The following FRMD6 variants were observed in gnomAD, a reference collection of about 807,000 sequenced individuals.
The protein encoded by FRMD6 is FERM domain-containing protein 6.
Under a neutral mutation model 73.2 loss-of-function variants are expected in FRMD6, and 37 were observed. The ratio of observed to expected loss-of-function variants is 0.51; its 90% CI spans 0.39 to 0.66. The LOEUF is 0.66. Ranked by LOEUF, FRMD6 falls within the 30% of genes least tolerant of loss-of-function variation. The probability of loss-of-function intolerance (pLI) is 0.00; values close to 1 mark genes in which losing one functional copy is unlikely to be tolerated. For synonymous variants in FRMD6, 273 were observed against 282.2 expected, an observed-to-expected ratio of 0.97 and a Z score of 0.33; for missense variants, 714 against 780.5, an observed-to-expected ratio of 0.91 and a Z score of 1.02.
chr14:51,610,063 G>A (rs896434115), intron 2 of FRMD6, among the ~76,000 whole-genome samples: 1 of 152,054 alleles, frequency 6.6e-6, no homozygotes, highest in East Asian at 1.9e-4. Context: ...CCTGCAGTCC[G>A]CCTCTAGTTT....
chr14:51,436,857 A>G, the FRMD6 span: 1 of 687,776 alleles, frequency 1.5e-6, no homozygotes, highest in Admixed American at 2.3e-5. Context: ...GAAGAAGAGG[A>G]GAAAGGATTA....
At chr14:51,683,915 C>T (rs967320681) in intron 1 of FRMD6, among the ~76,000 whole-genome samples, 1 of 152,126 alleles carries the variant, frequency 6.6e-6, no homozygotes, top group Non-Finnish European at 1.5e-5. Flanking sequence ...TCCACAGTGC[C>T]TCATTTATCC....
At chr14:51,396,550 G>C in the FRMD6 span, among the ~76,000 whole-genome samples, 1 of 152,212 alleles carries the variant, frequency 6.6e-6, no homozygotes, top group Non-Finnish European at 1.5e-5. Flanking sequence ...GCAGCTGCCT[G>C]AAGTTAATGA....
intron 3 of FRMD6, among the ~76,000 whole-genome samples, chr14:51,700,524 G>T (rs1167602961): frequency 6.6e-6 from 1 of 152,052 alleles, no homozygotes; most frequent in Non-Finnish European, 1.5e-5. Context: ...GTTTTGCTGT[G>T]TGTGGAACAC....
At position 51,728,000 on chromosome 14, in the gene FRMD6, C is replaced by G. The variant is rs769854822; in HGVS notation, c.1840C>G (p.His614Asp). Residue 614 changes from histidine (H) to aspartate (D), a missense_variant, in exon 14 of 14, where the codon CAT becomes GAT. By Grantham distance (81) the His-to-Asp change is moderately conservative. Transcript: ENST00000344768. The stretch of plus-strand genomic sequence containing the variant: ...CAAATACTTTTCTCTGGATCTCACT[C>G]ATGATGAAGTTCCAGAGTTTGTTGT... Reference protein sequence around the residue: ...TSKYFSLDLTHDEVPEFVV With the variant: ...TSKYFSLDLTDDEVPEFVV 1.2e-6 allele frequency: 2 copies of G among 1,611,112 alleles called. No homozygotes were observed. The highest frequency in any genetic ancestry group is 2.7e-5 in the African/African-American group (2 of 74,878).
chr14:51,659,944 A>G (rs1041383903), intron 1 of FRMD6, among the ~76,000 whole-genome samples: 1 of 152,244 alleles, frequency 6.6e-6, no homozygotes, highest in Non-Finnish European at 1.5e-5. Flanking sequence ...ACACAGTTAA[A>G]CACCTTAGAA....
chr14:51,520,523 A>T (rs1309951504), intron 1 of FRMD6, among the ~76,000 whole-genome samples: 1 of 152,240 alleles, frequency 6.6e-6, no homozygotes, highest in Non-Finnish European at 1.5e-5. Flanking sequence ...ATAGTCAAAT[A>T]CTAGAAACAC....
At chr14:51,440,762 C>A in the FRMD6 span, among the ~76,000 whole-genome samples, 1 of 152,196 alleles carries the variant, frequency 6.6e-6, no homozygotes, top group Non-Finnish European at 1.5e-5. Context: ...TACAACGTGT[C>A]AAGCACTGTG....
At chr14:51,587,980 G>A (rs983858048) in intron 2 of FRMD6, among the ~76,000 whole-genome samples, 1 of 151,982 alleles carries the variant, frequency 6.6e-6, no homozygotes, top group Non-Finnish European at 1.5e-5. Context: ...GTTTGGATTA[G>A]GATTTTAGCT....
chr14:51,530,980 G>A (rs986872827), intron 1 of FRMD6, among the ~76,000 whole-genome samples: 2 of 152,202 alleles, frequency 1.3e-5, no homozygotes, highest in African/African-American at 4.8e-5. Flanking sequence ...CAATGCGCCA[G>A]CATCTGGTGA....
At chr14:51,593,184 G>A (rs533852186) in intron 2 of FRMD6, among the ~76,000 whole-genome samples, 11 of 152,282 alleles carry the variant, frequency 7.2e-5, no homozygotes, top group African/African-American at 2.6e-4. Flanking sequence ...ACCTGCAGAG[G>A]GAAGTCATGT....
At chr14:51,586,881 C>A (rs1347293065) in intron 2 of FRMD6, among the ~76,000 whole-genome samples, 1 of 152,100 alleles carries the variant, frequency 6.6e-6, no homozygotes, top group Non-Finnish European at 1.5e-5. Context: ...GTAGCTGGGA[C>A]CACAGGCATG....
At chr14:51,583,221 CT>C (rs1888835500) in intron 2 of FRMD6, among the ~76,000 whole-genome samples, 6 of 152,142 alleles carry the variant, frequency 3.9e-5, no homozygotes, top group Non-Finnish European at 8.8e-5. Context: ...TCATAATTCT[CT>C]TTATTTGCCG....
the FRMD6 span, among the ~76,000 whole-genome samples, chr14:51,408,434 C>A: frequency 2.6e-5 from 4 of 152,134 alleles, no homozygotes; most frequent in African/African-American, 9.7e-5. Flanking sequence ...GTCTATATTA[C>A]ATAACTCTTA....
chr14:51,718,845 C>T, intron 10 of FRMD6, among the ~76,000 whole-genome samples: 1 of 152,098 alleles, frequency 6.6e-6, no homozygotes, highest in East Asian at 1.9e-4. Flanking sequence ...CTAGAAGGCG[C>T]ATCTTTTCTT....
intron 1 of FRMD6, among the ~76,000 whole-genome samples, chr14:51,515,679 C>T (rs1337939913): frequency 6.6e-6 from 1 of 152,176 alleles, no homozygotes; most frequent in African/African-American, 2.4e-5. Flanking sequence ...GAATAAACAG[C>T]TAATAGAGCT....
chr14:51,429,471 AC>A, the FRMD6 span, among the ~76,000 whole-genome samples: 2 of 152,120 alleles, frequency 1.3e-5, no homozygotes, highest in African/African-American at 4.8e-5. Flanking sequence ...TCCACACATT[AC>A]CAAACCATTT....
intron 1 of FRMD6, among the ~76,000 whole-genome samples, chr14:51,569,858 C>G (rs1385301588): frequency 2.6e-5 from 4 of 151,244 alleles, no homozygotes; most frequent in Non-Finnish European, 5.9e-5. Context: ...CTCTGTCGCC[C>G]AGGCTGGAGT....
the FRMD6 span, among the ~76,000 whole-genome samples, chr14:51,424,195 A>G: frequency 7.9e-5 from 12 of 152,324 alleles, no homozygotes; most frequent in African/African-American, 2.6e-4. Flanking sequence ...TGAAAGAACA[A>G]TAGTTAAAGG....
Sources: allele counts gnomAD v4.1 joint callset (sites outside exome capture counted in the v4.1 genomes callset), GRCh38; gene constraint gnomAD v4.1.1; transcripts MANE v1.5; gene names NCBI Gene and HGNC (gene_info 2026-07-23, HGNC 2026-07-21).